Variants in GALNTL6 observed in about 807,000 individuals in gnomAD.
The protein encoded by GALNTL6 is polypeptide N-acetylgalactosaminyltransferase like 6.
Under a neutral mutation model 73.7 loss-of-function variants are expected in GALNTL6, and 46 were observed. The observed-to-expected ratio is 0.62, with a 90% CI of 0.49 to 0.80. The LOEUF (loss-of-function observed/expected upper bound fraction) is 0.80, where lower values mean the gene tolerates loss of function less well. Ranked by LOEUF, GALNTL6 falls within the 30% of genes least tolerant of loss-of-function variation. The probability of loss-of-function intolerance (pLI) is 0.00; values close to 1 mark genes in which losing one functional copy is unlikely to be tolerated. For missense variants in GALNTL6, 604 were observed against 755.0 expected, an observed-to-expected ratio of 0.80 and a Z score of 2.34; for synonymous variants, 259 against 263.7, an observed-to-expected ratio of 0.98 and a Z score of 0.17.
chr4:172,601,311 C>A (rs1738043545), intron 5 of GALNTL6, among the ~76,000 whole-genome samples: 1 of 152,084 alleles, frequency 6.6e-6, no homozygotes, highest in South Asian at 2.1e-4. Flanking sequence ...CTTTGAAACT[C>A]ATGTTGAAAT....
intron 8 of GALNTL6, among the ~76,000 whole-genome samples, chr4:172,914,040 T>C (rs1747361367): frequency 6.6e-6 from 1 of 152,084 alleles, no homozygotes; most frequent in South Asian, 2.1e-4. Context: ...TAACAGCTAA[T>C]CTCTCAGCAG....
At chr4:172,742,922 C>T (rs1204638590) in intron 5 of GALNTL6, among the ~76,000 whole-genome samples, 1 of 152,000 alleles carries the variant, frequency 6.6e-6, no homozygotes, top group Non-Finnish European at 1.5e-5. Flanking sequence ...CAGTTTACTG[C>T]TTTTACTTAA....
chr4:171,849,819 T>TG (rs1183566926), intron 2 of GALNTL6, among the ~76,000 whole-genome samples: 1 of 152,200 alleles, frequency 6.6e-6, no homozygotes, highest in Admixed American at 6.5e-5. Context: ...GAGGAGGGGT[T>TG]GGGGCAGGAG....
At chr4:172,519,255 A>C (rs554918236) in intron 5 of GALNTL6, among the ~76,000 whole-genome samples, 22 of 150,806 alleles carry the variant, frequency 1.5e-4, no homozygotes, top group Middle Eastern at 3.5e-3. Flanking sequence ...ATATTTATAT[A>C]TGATATATTT....
intron 5 of GALNTL6, among the ~76,000 whole-genome samples, chr4:172,552,858 G>C (rs11132949): frequency 0.8 from 95,529 of 118,986 alleles, 38,294 homozygotes; most frequent in Non-Finnish European, 0.84. Context: ...AAAAAAAAAA[G>C]GTAAAAACCG....
chr4:172,203,037 A>G (rs1468118348), intron 2 of GALNTL6, among the ~76,000 whole-genome samples: 1 of 152,232 alleles, frequency 6.6e-6, no homozygotes, highest in Admixed American at 6.5e-5. Flanking sequence ...AGTCCTGTGT[A>G]TACTTTGACA....
In GALNTL6 at chr4:172,583,893, C is replaced by CAAA. The variant is rs57722016; in HGVS notation, c.554-225443_554-225441dup. On this transcript the variant is annotated intron_variant, in intron 5 of 12. Transcript: ENST00000506823. The stretch of plus-strand genomic sequence containing the variant: ...GGGCCGACAGAGCGAGACTCTGTCT[C>CAAA]AAAAAAAAAAAAAAAAAAAAAAAAA... Among the ~76,000 whole-genome samples the CAAA allele has an allele frequency of 2.4e-3, 77 of 31,598 alleles. 5 individuals carry two copies. Among genetic ancestry groups the CAAA allele is most frequent in the African/African-American group, 6.1e-3 (72 of 11,768 alleles). The allele number at this position is 31,598 out of a possible 152,430, so 20.7% of individuals were successfully genotyped here.
At chr4:172,824,613 G>GGAGTGA (rs1742135527) in intron 7 of GALNTL6, among the ~76,000 whole-genome samples, 1 of 151,826 alleles carries the variant, frequency 6.6e-6, no homozygotes, top group Non-Finnish European at 1.5e-5. Flanking sequence ...ATAAATAATA[G>GGAGTGA]GAGTGAAAAA....
chr4:172,763,893 A>AAT (rs1738252711), intron 5 of GALNTL6, among the ~76,000 whole-genome samples: 1 of 152,128 alleles, frequency 6.6e-6, no homozygotes, highest in Non-Finnish European at 1.5e-5. Flanking sequence ...ATCAATGACT[A>AAT]ATAAACAAAT....
intron 2 of GALNTL6, among the ~76,000 whole-genome samples, chr4:171,891,296 A>G: frequency 6.6e-6 from 1 of 152,202 alleles, no homozygotes; most frequent in East Asian, 1.9e-4. Context: ...TAACCAAGGC[A>G]GCCACCTTCA....
intron 2 of GALNTL6, among the ~76,000 whole-genome samples, chr4:172,137,258 G>C (rs1202720355): frequency 6.6e-6 from 1 of 152,050 alleles, no homozygotes; most frequent in Non-Finnish European, 1.5e-5. Flanking sequence ...TTTGTAAAAG[G>C]AGGATACTGA....
chr4:172,684,013 C>T (rs1160706684), intron 5 of GALNTL6, among the ~76,000 whole-genome samples: 2 of 152,260 alleles, frequency 1.3e-5, no homozygotes, highest in East Asian at 1.9e-4. Context: ...TCCAGCTTTG[C>T]GAATTATCTA....
intron 2 of GALNTL6, among the ~76,000 whole-genome samples, chr4:171,900,340 C>T (rs1025436995): frequency 6.6e-6 from 1 of 152,140 alleles, no homozygotes; most frequent in East Asian, 1.9e-4. Flanking sequence ...CAGAGTCTCA[C>T]TCTGTTGCCC....
intron 5 of GALNTL6, among the ~76,000 whole-genome samples, chr4:172,775,114 C>A (rs1739001524): frequency 6.6e-6 from 1 of 151,934 alleles, no homozygotes; most frequent in African/African-American, 2.4e-5. Context: ...GTTTTTCTCA[C>A]TGGAAAAGCA....
At chr4:173,025,730 C>A (rs1180201593) in intron 12 of GALNTL6, among the ~76,000 whole-genome samples, 1 of 152,188 alleles carries the variant, frequency 6.6e-6, no homozygotes, top group African/African-American at 2.4e-5. Context: ...CACAACCTGG[C>A]CAACATAACA....
chr4:172,766,771 G>A (rs1335269089), intron 5 of GALNTL6, among the ~76,000 whole-genome samples: 2 of 152,164 alleles, frequency 1.3e-5, no homozygotes, highest in Non-Finnish European at 2.9e-5. Context: ...TTCATCCAAG[G>A]ATCAGGTTAC....
chr4:171,966,008 T>C (rs1739372687), intron 2 of GALNTL6, among the ~76,000 whole-genome samples: 1 of 152,236 alleles, frequency 6.6e-6, no homozygotes, highest in South Asian at 2.1e-4. Flanking sequence ...ATTATTCTTT[T>C]AAGCAGCCTT....
At chr4:172,661,921 G>T (rs1037189355) in intron 5 of GALNTL6, among the ~76,000 whole-genome samples, 20 of 152,144 alleles carry the variant, frequency 1.3e-4, no homozygotes, top group African/African-American at 4.8e-4. Context: ...GGGAAAAGTG[G>T]ATCATGCAAA....
At chr4:172,887,563 T>G (rs952117692) in intron 8 of GALNTL6, among the ~76,000 whole-genome samples, 2 of 150,438 alleles carry the variant, frequency 1.3e-5, no homozygotes, top group Admixed American at 6.6e-5. Context: ...TTTATTTATT[T>G]ATTTATTTAT....
Sources: gnomAD v4.1 joint callset for allele counts (sites outside exome capture counted in the v4.1 genomes callset) on GRCh38, gnomAD v4.1.1 for gene constraint, MANE v1.5 for transcripts, NCBI Gene and HGNC (gene_info 2026-07-23, HGNC 2026-07-21) for gene names.